The following RRAS2 variants were observed in gnomAD, a reference collection of about 807,000 sequenced individuals.
RRAS2 encodes RAS related 2.
A neutral mutation model predicts 27.6 loss-of-function variants in RRAS2; 7 were observed. The observed-to-expected ratio is 0.25, with a 90% CI of 0.14 to 0.48. The LOEUF (loss-of-function observed/expected upper bound fraction) is 0.48, where lower values mean the gene tolerates loss of function less well. RRAS2 is among the 20% of genes least tolerant of loss of function. The pLI, the probability that RRAS2 is intolerant of heterozygous loss-of-function variation, is 0.99. For synonymous variants in RRAS2, 86 were observed against 90.9 expected, an observed-to-expected ratio of 0.95 and a Z score of 0.31; for missense variants, 178 against 256.2, an observed-to-expected ratio of 0.69 and a Z score of 2.08.
intron 4 of RRAS2, among the ~76,000 whole-genome samples, chr11:14,288,739 A>G (rs967866772): frequency 1.3e-5 from 2 of 152,220 alleles, no homozygotes; most frequent in South Asian, 4.1e-4. Context: ...AAACACAGGT[A>G]GCAGCAGCAG....
chr11:14,322,944 A>G (rs185280266), intron 1 of RRAS2, among the ~76,000 whole-genome samples: 1 of 152,352 alleles, frequency 6.6e-6, no homozygotes, highest in East Asian at 1.9e-4. Context: ...TAAAAAATAT[A>G]ACCTAATGGT....
intron 1 of RRAS2, among the ~76,000 whole-genome samples, chr11:14,357,966 G>A (rs782057381): frequency 4.6e-5 from 7 of 152,062 alleles, no homozygotes; most frequent in Non-Finnish European, 8.8e-5. Flanking sequence ...CTGACTTACC[G>A]TCTCTAGCAA....
At chr11:14,345,114 G>A (rs1848802451) in intron 1 of RRAS2, among the ~76,000 whole-genome samples, 1 of 149,730 alleles carries the variant, frequency 6.7e-6, no homozygotes, top group Admixed American at 6.8e-5. Flanking sequence ...AGCTTCTCAA[G>A]TAGCTGGGAT....
chr11:14,326,054 A>C (rs547985808), intron 1 of RRAS2, among the ~76,000 whole-genome samples: 1 of 152,294 alleles, frequency 6.6e-6, no homozygotes, highest in South Asian at 2.1e-4. Context: ...CATTCAGCAA[A>C]ACATGGACGT....
chr11:14,364,310 C>T, intron 1 of RRAS2: 1 of 1,336,638 alleles, frequency 7.5e-7, no homozygotes, highest in Admixed American at 2.0e-5. Flanking sequence ...CCTCTAACCT[C>T]ATCTGTAGCT....
At chr11:14,284,941 T>G (rs184569511) in intron 4 of RRAS2, among the ~76,000 whole-genome samples, 1 of 152,344 alleles carries the variant, frequency 6.6e-6, no homozygotes, top group East Asian at 1.9e-4. Flanking sequence ...TCTTGTTTTT[T>G]TATTCAATCT....
chr11:14,299,691 T>C (rs1388431074), intron 1 of RRAS2, among the ~76,000 whole-genome samples: 1 of 152,130 alleles, frequency 6.6e-6, no homozygotes, highest in Non-Finnish European at 1.5e-5. Context: ...TACTAAGTAC[T>C]CCATAAAGAT....
At chr11:14,290,861 T>C (rs1849793236) in intron 4 of RRAS2, among the ~76,000 whole-genome samples, 1 of 152,020 alleles carries the variant, frequency 6.6e-6, no homozygotes, top group African/African-American at 2.4e-5. Flanking sequence ...CAGAGGGGAA[T>C]GTGAGATTAA....
In RRAS2 at chr11:14,343,168, T is replaced by A. The variant is rs549493851; in HGVS notation, c.108+15595A>T. On this transcript the variant is annotated intron_variant, in intron 1 of 5. Transcript: ENST00000256196. Reference sequence around the variant, plus strand: ...TTCATTGGATAATCAGCTCAGCCAATGGCTTCTTTCTGAAACTCTCACTAC... The same window carrying A: ...TTCATTGGATAATCAGCTCAGCCAAAGGCTTCTTTCTGAAACTCTCACTAC... Among the ~76,000 whole-genome samples the A allele has an allele frequency of 6.2e-4, 95 of 152,324 alleles. No individual in the cohort carries two copies. In the East Asian group the frequency reaches 0.017, roughly 27 times the overall value.
chr11:14,292,802 TTAAGA>T (rs1440219107), intron 4 of RRAS2, among the ~76,000 whole-genome samples: 2 of 152,050 alleles, frequency 1.3e-5, no homozygotes, highest in Non-Finnish European at 2.9e-5. Context: ...AATCTTAGCA[TTAAGA>T]TAATATATCA....
In RRAS2 at chr11:14,359,180, G is replaced by A. The variant is rs1409758807; in HGVS notation, c.-310C>T. ...GCCTCCAGCGCCGCCACAAATGGCCGTCTGGGGGCCGGGCTGCCAGGCTGA... is the reference window on the plus strand; with the variant it reads ...GCCTCCAGCGCCGCCACAAATGGCCATCTGGGGGCCGGGCTGCCAGGCTGA... On this transcript the variant is annotated 5_prime_UTR_variant, in exon 1 of 6. It adds an upstream start codon to the 5' untranslated region. Transcript: ENST00000256196. The A allele has an allele frequency of 2.0e-6, 2 of 1,004,334 alleles. No individual in the cohort carries two copies. The highest frequency in any genetic ancestry group is 1.7e-5 in the African/African-American group (1 of 57,826). The allele number at this position is 1,004,334 out of a possible 1,614,324, so 62.2% of individuals were successfully genotyped here.
At chr11:14,306,693 G>C (rs1554948122) in intron 1 of RRAS2, among the ~76,000 whole-genome samples, 2 of 152,034 alleles carry the variant, frequency 1.3e-5, no homozygotes, top group Non-Finnish European at 2.9e-5. Flanking sequence ...GCTGACTGCT[G>C]ATCTAGAATG....
intron 1 of RRAS2, among the ~76,000 whole-genome samples, chr11:14,357,071 C>T (rs1400415011): frequency 2.0e-5 from 3 of 152,170 alleles, no homozygotes; most frequent in East Asian, 3.9e-4. Context: ...CAGGTGTGAG[C>T]CACGACGCCA....
At chr11:14,291,809 G>A (rs998627486) in intron 4 of RRAS2, among the ~76,000 whole-genome samples, 16 of 152,120 alleles carry the variant, frequency 1.1e-4, no homozygotes, top group Non-Finnish European at 2.4e-4. Flanking sequence ...GCAATCTTCA[G>A]TACAGGTTGA....
intron 4 of RRAS2, among the ~76,000 whole-genome samples, chr11:14,289,775 C>T (rs1275091685): frequency 4.6e-5 from 7 of 152,168 alleles, no homozygotes; most frequent in Admixed American, 4.6e-4. Context: ...GCAAGCAAAG[C>T]CTCTTCTGGA....
intron 5 of RRAS2, among the ~76,000 whole-genome samples, chr11:14,280,545 G>A (rs1389464630): frequency 3.3e-5 from 5 of 151,704 alleles, no homozygotes; most frequent in South Asian, 4.2e-4. Flanking sequence ...GGCCAATATG[G>A]TGAAACCCCA....
intron 4 of RRAS2, among the ~76,000 whole-genome samples, chr11:14,289,191 T>A (rs1431693009): frequency 6.6e-6 from 1 of 152,030 alleles, no homozygotes. Flanking sequence ...CAGATGGGAG[T>A]CTGGATTGAT....
chr11:14,361,341 C>T (rs72866418), upstream of RRAS2, among the ~76,000 whole-genome samples: 181 of 152,180 alleles, frequency 1.2e-3, no homozygotes, highest in Non-Finnish European at 2.1e-3. Flanking sequence ...CCATCACTCC[C>T]GACCCTTATT....
intron 1 of RRAS2, among the ~76,000 whole-genome samples, chr11:14,298,203 C>G (rs1251350491): frequency 6.6e-6 from 1 of 152,162 alleles, no homozygotes; most frequent in Non-Finnish European, 1.5e-5. Context: ...TCCCCATATG[C>G]CATGCTTTTA....
Sources: allele counts gnomAD v4.1 joint callset (sites outside exome capture counted in the v4.1 genomes callset), GRCh38; gene constraint gnomAD v4.1.1; transcripts MANE v1.5; gene names NCBI Gene and HGNC (gene_info 2026-07-23, HGNC 2026-07-21).